GAGE1: variants seen among roughly 807,000 people sequenced by gnomAD.
GAGE1 encodes the protein G antigen 1, also known as G antigen 4.
Under a neutral mutation model 5.0 loss-of-function variants are expected in GAGE1, and 5 were observed. The observed-to-expected ratio is 1.00, with a 90% CI of 0.52 to 2.11. The LOEUF is 2.11. Among genes scored for constraint, GAGE1 ranks in the 30% most tolerant of loss-of-function variants. GAGE1 has a pLI of 0.01. For missense variants in GAGE1, 9 were observed against 38.9 expected, an observed-to-expected ratio of 0.23 and a Z score of 2.04; for synonymous variants, 6 against 14.8, an observed-to-expected ratio of 0.40 and a Z score of 1.37.
At position 49,606,238 on chromosome X, in the gene GAGE1, A is replaced by G. The variant is rs782012496; in HGVS notation, c.*223A>G. ...CATAATTCTCATGTATTGATTTTCT[A>G]TCCAGCAACCTTGTTAAATATGCTT... is the stretch of plus-strand genomic sequence containing the variant. On this transcript the variant is annotated 3_prime_UTR_variant, in exon 5 of 5. Coordinates refer to ENST00000381700, the MANE Select transcript of GAGE1 (RefSeq NM_001040663.4). 8 of 238,584 alleles carry G rather than the reference A, an allele frequency of 3.4e-5. No homozygotes were observed. The highest frequency in any genetic ancestry group is 1.4e-4 in the Admixed American group (2 of 14,312). The allele number at this position is 238,584 out of a possible 1,213,427, so 19.7% of individuals were successfully genotyped here.
At position 49,607,686 on chromosome X, in the gene GAGE1, T is replaced by C. The variant is rs1405638247; in HGVS notation, c.*1671T>C. ...TTCCTGTTTCTCTGCTGATATTAAC[T>C]CTCTGTGCACAGAAAGTTAAACGTC... is the stretch of plus-strand genomic sequence containing the variant. On this transcript the variant is annotated 3_prime_UTR_variant, in exon 5 of 5. Transcript: ENST00000381700. The C allele has an allele frequency of 9.0e-6, 1 of 111,514 alleles. No individual in the cohort carries two copies. The highest frequency in any genetic ancestry group is 1.9e-5 in the Non-Finnish European group (1 of 53,160). 9.2% of individuals were successfully genotyped at this position (111,514 alleles called of 1,213,427 possible).
chrX:49,603,988 G>C (rs1410122379), intron 4 of GAGE1, among the ~76,000 whole-genome samples, 195 bp downstream of exon 4: 1 of 112,894 alleles, frequency 8.9e-6, no homozygotes, highest in Non-Finnish European at 1.9e-5. Flanking sequence ...GCGGAGCCGG[G>C]GTTACAGGCG....
intron 3 of GAGE1, among the ~76,000 whole-genome samples, chrX:49,602,560 T>TCACACACACACACACA (rs60317552): frequency 1.4e-5 from 1 of 72,034 alleles, no homozygotes; most frequent in African/African-American, 3.7e-5. Context: ...GCCCACACAC[T>TCACACACACACACACA]CACACACACA....
chrX:49,604,882 A>T, intron 4 of GAGE1: 1 of 274,162 alleles, frequency 3.6e-6, no homozygotes, highest in Non-Finnish European at 6.9e-6. Context: ...CTTTCAGCTC[A>T]CTGCAACCTC....
intron 4 of GAGE1, chrX:49,605,149 G>T: frequency 1.0e-6 from 1 of 1,003,086 alleles, no homozygotes; most frequent in Non-Finnish European, 1.3e-6. Flanking sequence ...ATGTAAGTCA[G>T]TGATGCTCAG....
In GAGE1 at chrX:49,605,979, T is replaced by C. The variant is rs782745512; in HGVS notation, c.332-14T>C. 4.8e-6 allele frequency: 5 copies of C among 1,045,776 alleles called. No individual in the cohort carries two copies. In the South Asian group the frequency reaches 1.3e-4, roughly 26 times the overall value. The allele number at this position is 1,045,776 out of a possible 1,213,427, so 86.2% of individuals were successfully genotyped here. ...TTGCTCTGTAATGTTCCCAACTGTT[T>C]TGTTTTGTTTCAGGTGAAGGGCAAT... On this transcript the variant is annotated splice_polypyrimidine_tract_variant and intron_variant, in intron 4 of 4. Coordinates refer to ENST00000381700, the MANE Select transcript of GAGE1 (RefSeq NM_001040663.4).
rs1330395574 is a variant in GAGE1 at position 49,608,440 on chromosome X, C to A, written c.*2425C>A. The A allele has an allele frequency of 1.8e-5, 2 of 111,802 alleles. No homozygotes were observed. Among genetic ancestry groups the A allele is most frequent in the East Asian group, 5.7e-4 (2 of 3,528 alleles). 9.2% of individuals were successfully genotyped at this position (111,802 alleles called of 1,213,427 possible). On this transcript the variant is annotated 3_prime_UTR_variant, in exon 5 of 5. Transcript: ENST00000381700. ...CCTATAAAACTCCATAACCTGACCC[C>A]CTCAGTGCGGATATACCTAGGCATG...
At position 49,606,073 on chromosome X, in the gene GAGE1, G is replaced by T. The variant is rs1354196570; in HGVS notation, c.*58G>T. The T allele has an allele frequency of 6.0e-6, 5 of 837,330 alleles. No homozygotes were observed. Among genetic ancestry groups the T allele is most frequent in the East Asian group, 3.6e-5 (1 of 27,849 alleles). The allele number at this position is 837,330 out of a possible 1,213,427, so 69.0% of individuals were successfully genotyped here. On this transcript the variant is annotated 3_prime_UTR_variant, in exon 5 of 5. Coordinates refer to ENST00000381700, the MANE Select transcript of GAGE1 (RefSeq NM_001040663.4). ...CTATGTTGGAAAATTCTTCATTGAA[G>T]TTCTCCCAATAAAGCTTTACAGCCT...
Position 49,606,204 on chromosome X carries a change from G to A in GAGE1, c.*189G>A. 1 of 252,971 alleles carries A rather than the reference G, an allele frequency of 4.0e-6. No homozygotes were observed. Among genetic ancestry groups the A allele is most frequent in the Non-Finnish European group, 7.4e-6 (1 of 135,191 alleles). 20.8% of individuals were successfully genotyped at this position (252,971 alleles called of 1,213,427 possible). A position where few individuals can be genotyped will look rare whatever the true frequency, so the allele number is the denominator to read the frequency against. On this transcript the variant is annotated 3_prime_UTR_variant, in exon 5 of 5. Coordinates refer to ENST00000381700, the MANE Select transcript of GAGE1 (RefSeq NM_001040663.4). The stretch of plus-strand genomic sequence containing the variant: ...TTTGTATTCTATCTCCTTGAGCTGT[G>A]TGTAGAGGCATAATTCTCATGTATT...
intron 4 of GAGE1, among the ~76,000 whole-genome samples, chrX:49,604,718 A>AG (rs1214613071): frequency 8.9e-6 from 1 of 112,115 alleles, no homozygotes; most frequent in Non-Finnish European, 1.9e-5. Context: ...TAAGAAAGTG[A>AG]GGGGGCACTC....
chrX:49,605,906 T>TAA, intron 4 of GAGE1, 87 bp from the exon 5 acceptor site: 2 of 277,689 alleles, frequency 7.2e-6, no homozygotes, highest in Non-Finnish European at 9.6e-6. Context: ...AGACTCCATC[T>TAA]AAAATAATAA....
In GAGE1 at chrX:49,606,088, C is replaced by T. The variant is rs1415781158; in HGVS notation, c.*73C>T. On this transcript the variant is annotated 3_prime_UTR_variant, in exon 5 of 5. Coordinates refer to ENST00000381700, the MANE Select transcript of GAGE1 (RefSeq NM_001040663.4). ...CTTCATTGAAGTTCTCCCAATAAAG[C>T]TTTACAGCCTTCTGCAAAGAAGTCT... 6.2e-6 allele frequency: 4 copies of T among 647,449 alleles called. No individual in the cohort carries two copies. The African/African-American group carries it at 9.2e-5, about 15-fold the overall frequency. The allele number at this position is 647,449 out of a possible 1,213,427, so 53.4% of individuals were successfully genotyped here. A position where few individuals can be genotyped will look rare whatever the true frequency, so the allele number is the denominator to read the frequency against.
intron 4 of GAGE1, among the ~76,000 whole-genome samples, chrX:49,604,255 A>G (rs1466004802): frequency 2.7e-5 from 3 of 112,724 alleles, no homozygotes; most frequent in African/African-American, 6.4e-5. Flanking sequence ...CCAGCACCCG[A>G]GTGATAGACT....
chrX:49,602,635 G>A (rs1302172251), intron 3 of GAGE1, among the ~76,000 whole-genome samples: 5 of 91,123 alleles, frequency 5.5e-5, no homozygotes, highest in African/African-American at 1.7e-4. Context: ...TAAAGTTTCA[G>A]GTATTATGGT....
chrX:49,605,902 C>T, intron 4 of GAGE1, 91 bp from the exon 5 acceptor site: 2 of 455,012 alleles, frequency 4.4e-6, no homozygotes, highest in Non-Finnish European at 2.9e-6. Flanking sequence ...AGTGAGACTC[C>T]ATCTAAAATA....
At chrX:49,604,357 C>G (rs1277364636) in intron 4 of GAGE1, among the ~76,000 whole-genome samples, 1 of 112,115 alleles carries the variant, frequency 8.9e-6, no homozygotes, top group Admixed American at 9.4e-5. Flanking sequence ...TTTTCAAATG[C>G]TTTTGCAAAG....
At position 49,604,822 on chromosome X, in the gene GAGE1, G is replaced by A. The variant is rs782504645; in HGVS notation, c.331+1029G>A. On this transcript the variant is annotated intron_variant, in intron 4 of 4. Transcript: ENST00000381700. The stretch of plus-strand genomic sequence containing the variant: ...CTCCCTCTTCTTGGTTTGTTTGTTT[G>A]TTTGCGACGGAGTCTCAGTCTGTCA... Among the ~76,000 whole-genome samples the A allele has an allele frequency of 4.5e-5, 5 of 111,742 alleles. No individual in the cohort carries two copies. In the South Asian group the frequency reaches 1.9e-3, roughly 42 times the overall value.
At position 49,606,143 on chromosome X, in the gene GAGE1, C is replaced by G. The variant is rs782687700; in HGVS notation, c.*128C>G. 9 of 360,549 alleles carry G rather than the reference C, an allele frequency of 2.5e-5. No individual in the cohort carries two copies. In the Admixed American group the frequency reaches 4.2e-4, roughly 17 times the overall value. The allele number at this position is 360,549 out of a possible 1,213,427, so 29.7% of individuals were successfully genotyped here. ...AATCTTTTGTCAATTTTATTTCTAGCTATTTGATGCTGTGAAATGTTTCAT... is the reference window on the plus strand; with the variant it reads ...AATCTTTTGTCAATTTTATTTCTAGGTATTTGATGCTGTGAAATGTTTCAT... On this transcript the variant is annotated 3_prime_UTR_variant, in exon 5 of 5. Transcript: ENST00000381700.
chrX:49,605,565 T>G (rs1283817801), intron 4 of GAGE1, among the ~76,000 whole-genome samples: 4 of 111,898 alleles, frequency 3.6e-5, no homozygotes, highest in Non-Finnish European at 7.5e-5. Flanking sequence ...TTTAGTCCAT[T>G]TAATAAAACC....
Sources: allele counts gnomAD v4.1 joint callset (sites outside exome capture counted in the v4.1 genomes callset), GRCh38; gene constraint gnomAD v4.1.1; transcripts MANE v1.5; gene names NCBI Gene and HGNC (gene_info 2026-07-23, HGNC 2026-07-21).